RALYL: variants seen among roughly 807,000 people sequenced by gnomAD.
RALYL encodes RALY RNA binding protein like.
Under a neutral mutation model 35.1 loss-of-function variants are expected in RALYL, and 29 were observed. The observed-to-expected ratio is 0.83, with a 90% CI of 0.61 to 1.13. The LOEUF (loss-of-function observed/expected upper bound fraction) is 1.13. Ranked by LOEUF, RALYL falls within the 50% of genes most tolerant of loss-of-function variation. RALYL has a pLI of 0.00. For synonymous variants in RALYL, 120 were observed against 127.6 expected, an observed-to-expected ratio of 0.94 and a Z score of 0.40; for missense variants, 359 against 360.4, an observed-to-expected ratio of 1.00 and a Z score of 0.03.
At chr8:84,911,177 T>C (rs1389879146) in intron 8 of RALYL, among the ~76,000 whole-genome samples, 2 of 152,070 alleles carry the variant, frequency 1.3e-5, no homozygotes, top group East Asian at 3.9e-4. Flanking sequence ...CATTGCAGAA[T>C]AGGAAATCTG....
chr8:84,816,369 A>C (rs1366592916), intron 4 of RALYL, among the ~76,000 whole-genome samples: 2 of 152,206 alleles, frequency 1.3e-5, no homozygotes, highest in South Asian at 4.1e-4. Context: ...ATGAAGTTGA[A>C]CTTTTAAAGA....
chr8:84,503,708 G>A (rs1353279506), intron 1 of RALYL, among the ~76,000 whole-genome samples: 3 of 151,858 alleles, frequency 2.0e-5, no homozygotes, highest in African/African-American at 7.3e-5. Context: ...AATTAGCCAG[G>A]CGTGGTGGCA....
chr8:84,617,826 C>T (rs923516912), intron 2 of RALYL, among the ~76,000 whole-genome samples: 3 of 151,576 alleles, frequency 2.0e-5, no homozygotes, highest in African/African-American at 7.3e-5. Context: ...TTGTCAAAGG[C>T]CTTTTCTGCA....
At chr8:84,302,018 T>C (rs986809166) in intron 1 of RALYL, among the ~76,000 whole-genome samples, 7 of 152,138 alleles carry the variant, frequency 4.6e-5, no homozygotes, top group Admixed American at 3.9e-4. Flanking sequence ...TAATTACAAA[T>C]CAAGTCTTTA....
At position 84,895,742 on chromosome 8, in the gene RALYL, C is replaced by T. The variant is rs533285525; in HGVS notation, c.858+7966C>T. Among the ~76,000 whole-genome samples, 49 of 152,120 alleles carry T rather than the reference C, an allele frequency of 3.2e-4. 1 individual carries two copies. The highest frequency in any genetic ancestry group is 8.3e-4 in the South Asian group (4 of 4,826). ...GGCCAGAGTGGTCTCTAACTCCTGA[C>T]ATCAGGTGATCCGCCCACCTCGGCC... On this transcript the variant is annotated intron_variant, in intron 8 of 8. Transcript: ENST00000521268.
At chr8:84,661,031 C>A (rs1830801295) in intron 2 of RALYL, among the ~76,000 whole-genome samples, 1 of 152,024 alleles carries the variant, frequency 6.6e-6, no homozygotes, top group Non-Finnish European at 1.5e-5. Context: ...CGGGTTCACG[C>A]CATTCTCCTG....
At chr8:84,274,197 A>T (rs1477511999) in intron 1 of RALYL, among the ~76,000 whole-genome samples, 1 of 152,190 alleles carries the variant, frequency 6.6e-6, no homozygotes, top group African/African-American at 2.4e-5. Flanking sequence ...GTGGTGATGC[A>T]TATGTGTGCC....
chr8:84,653,691 T>C (rs1232300851), intron 2 of RALYL, among the ~76,000 whole-genome samples: 1 of 151,616 alleles, frequency 6.6e-6, no homozygotes, highest in Admixed American at 6.6e-5. Context: ...ACATACCTCC[T>C]GACATACCTC....
chr8:84,288,432 G>A (rs939666111), intron 1 of RALYL, among the ~76,000 whole-genome samples: 1 of 152,082 alleles, frequency 6.6e-6, no homozygotes, highest in Non-Finnish European at 1.5e-5. Context: ...CTGTGACAGG[G>A]CCTCATTTTT....
intron 1 of RALYL, among the ~76,000 whole-genome samples, chr8:84,209,357 T>C (rs1057357096): frequency 1.3e-5 from 2 of 152,154 alleles, no homozygotes; most frequent in African/African-American, 4.8e-5. Context: ...TAGTTTTACT[T>C]TGATGTGCCG....
intron 2 of RALYL, among the ~76,000 whole-genome samples, chr8:84,613,876 A>G (rs1288207436): frequency 6.7e-6 from 1 of 148,962 alleles, no homozygotes; most frequent in South Asian, 2.1e-4. Flanking sequence ...ATATATATAT[A>G]TATATAATAC....
chr8:84,912,861 C>T (rs1847733349), intron 8 of RALYL, among the ~76,000 whole-genome samples: 1 of 151,952 alleles, frequency 6.6e-6, no homozygotes, highest in Non-Finnish European at 1.5e-5. Context: ...ATTTGATCAC[C>T]TTCAGTAAGA....
chr8:84,294,030 T>C (rs1388421), intron 1 of RALYL, among the ~76,000 whole-genome samples: 6,181 of 152,194 alleles, frequency 0.041, 436 homozygotes, highest in African/African-American at 0.14. Context: ...GGCATATTAT[T>C]TGTTTTGTCT....
intron 7 of RALYL, among the ~76,000 whole-genome samples, chr8:84,880,901 C>A (rs1842069988): frequency 6.6e-6 from 1 of 151,922 alleles, no homozygotes; most frequent in Non-Finnish European, 1.5e-5. Flanking sequence ...AGGTTCACAT[C>A]CCACTAGAGA....
intron 4 of RALYL, among the ~76,000 whole-genome samples, chr8:84,837,964 T>C (rs188644789): frequency 2.0e-5 from 3 of 152,306 alleles, no homozygotes; most frequent in Non-Finnish European, 4.4e-5. Context: ...AAACTTCTAT[T>C]TTATTATCAT....
chr8:84,392,802 T>C (rs190945358), intron 1 of RALYL, among the ~76,000 whole-genome samples: 331 of 152,190 alleles, frequency 2.2e-3, no homozygotes, highest in African/African-American at 7.7e-3. Flanking sequence ...AAAAATCTTA[T>C]TGAATTTGGG....
intron 1 of RALYL, among the ~76,000 whole-genome samples, chr8:84,276,932 G>A (rs1360795925): frequency 6.6e-6 from 1 of 152,074 alleles, no homozygotes; most frequent in African/African-American, 2.4e-5. Flanking sequence ...TTCATGTCAG[G>A]GATAATCAAA....
chr8:84,689,770 C>A (rs1015954014), intron 2 of RALYL, among the ~76,000 whole-genome samples: 1 of 152,192 alleles, frequency 6.6e-6, no homozygotes, highest in African/African-American at 2.4e-5. Context: ...GTTTGCCATT[C>A]TAACTGGTGT....
At chr8:84,611,545 TACAC>T (rs1818312853) in intron 2 of RALYL, among the ~76,000 whole-genome samples, 1 of 152,018 alleles carries the variant, frequency 6.6e-6, no homozygotes, top group Non-Finnish European at 1.5e-5. Context: ...AATGAACACA[TACAC>T]ACACACAAAA....
Sources: allele counts gnomAD v4.1 joint callset (sites outside exome capture counted in the v4.1 genomes callset), GRCh38; gene constraint gnomAD v4.1.1; transcripts MANE v1.5; gene names NCBI Gene and HGNC (gene_info 2026-07-23, HGNC 2026-07-21).